ADCY5: variants seen among roughly 807,000 people sequenced by gnomAD.
The protein encoded by ADCY5 is adenylate cyclase 5, also known as adenylate cyclase type 5.
In ADCY5, 30 loss-of-function variants were observed where a neutral mutation model predicts 119.7. That is an observed-to-expected ratio of 0.25 (90% confidence interval 0.19 to 0.34). The LOEUF (loss-of-function observed/expected upper bound fraction) is 0.34. Ranked by LOEUF, ADCY5 falls within the 10% of genes least tolerant of loss-of-function variation. The pLI is 1.00. For missense variants in ADCY5, 1,324 were observed against 1,775.2 expected (o/e 0.75, Z 4.57); for synonymous variants, 753 against 762.2 (o/e 0.99, Z 0.20).
intron 1 of ADCY5, among the ~76,000 whole-genome samples, chr3:123,377,473 G>A (rs1943876274): frequency 6.6e-6 from 1 of 152,130 alleles, no homozygotes; most frequent in Non-Finnish European, 1.5e-5. Context: ...CTCTCAGAGT[G>A]GGTCCCCCCA....
At chr3:123,365,981 G>A (rs1943423891) in intron 1 of ADCY5, among the ~76,000 whole-genome samples, 1 of 152,198 alleles carries the variant, frequency 6.6e-6, no homozygotes, top group Non-Finnish European at 1.5e-5. Context: ...GCCACACATG[G>A]CTAGGAACAT....
chr3:123,335,780 A>C (rs965222148), intron 3 of ADCY5, among the ~76,000 whole-genome samples: 1 of 152,196 alleles, frequency 6.6e-6, no homozygotes, highest in African/African-American at 2.4e-5. Context: ...CCAAGGCTTC[A>C]GCCAGGCTGT....
At chr3:123,417,666 G>A (rs530191561) in intron 1 of ADCY5, among the ~76,000 whole-genome samples, 40 of 152,328 alleles carry the variant, frequency 2.6e-4, no homozygotes, top group Middle Eastern at 3.4e-3. Context: ...CAAGTCAGAA[G>A]ATGGCAGGTC....
chr3:123,438,668 T>C (rs756695755), intron 1 of ADCY5, among the ~76,000 whole-genome samples: 1 of 152,228 alleles, frequency 6.6e-6, no homozygotes, highest in Non-Finnish European at 1.5e-5. Context: ...TTTTACTTAA[T>C]AATGTCCTCA....
chr3:123,370,837 T>C (rs1247682048), intron 1 of ADCY5, among the ~76,000 whole-genome samples: 1 of 151,670 alleles, frequency 6.6e-6, no homozygotes, highest in Non-Finnish European at 1.5e-5. Flanking sequence ...CTCCCCCACT[T>C]CCTCCTCCTC....
intron 1 of ADCY5, among the ~76,000 whole-genome samples, chr3:123,382,564 T>A (rs1944066223): frequency 6.6e-6 from 1 of 152,192 alleles, no homozygotes; most frequent in Admixed American, 6.5e-5. Context: ...ATGCTATCTA[T>A]ACACAATGGA....
intron 1 of ADCY5, among the ~76,000 whole-genome samples, chr3:123,362,696 T>C (rs1351395708): frequency 6.6e-6 from 1 of 152,118 alleles, no homozygotes; most frequent in Non-Finnish European, 1.5e-5. Flanking sequence ...GGCACGGAAG[T>C]GGTTGGGAGG....
chr3:123,374,275 C>T (rs781444452), intron 1 of ADCY5, among the ~76,000 whole-genome samples: 1 of 152,080 alleles, frequency 6.6e-6, no homozygotes, highest in Non-Finnish European at 1.5e-5. Context: ...GATCAGAGAG[C>T]GACAGATGAT....
intron 3 of ADCY5, among the ~76,000 whole-genome samples, chr3:123,341,595 G>A (rs1327106884): frequency 1.3e-5 from 2 of 152,038 alleles, no homozygotes; most frequent in Non-Finnish European, 2.9e-5. Context: ...TGTACTTAAT[G>A]CCACTGAACT....
intron 1 of ADCY5, among the ~76,000 whole-genome samples, chr3:123,440,090 G>A (rs1455117597): frequency 6.6e-6 from 1 of 152,224 alleles, no homozygotes; most frequent in Non-Finnish European, 1.5e-5. Context: ...CTTAGAGTCT[G>A]CGTGCAGACG....
chr3:123,438,484 G>A (rs1229643913), intron 1 of ADCY5, among the ~76,000 whole-genome samples: 16 of 152,000 alleles, frequency 1.1e-4, no homozygotes, highest in East Asian at 1.9e-4. Flanking sequence ...CTTTTAAACC[G>A]TGCACCATTC....
chr3:123,317,956 C>G (rs972845300), intron 11 of ADCY5, 64 bp downstream of exon 11: 59 of 1,454,070 alleles, frequency 4.1e-5, no homozygotes, highest in African/African-American at 7.0e-5. Flanking sequence ...AATGACCACC[C>G]CCTCCCACTC....
intron 17 of ADCY5, among the ~76,000 whole-genome samples, chr3:123,294,940 A>C (rs1015777236): frequency 2.0e-5 from 3 of 152,208 alleles, no homozygotes; most frequent in Non-Finnish European, 2.9e-5. Context: ...GGATTGAGGA[A>C]GAAGGCAGAG....
chr3:123,327,857 C>A, intron 6 of ADCY5, 98 bp from the exon 7 acceptor site: 1 of 1,392,442 alleles, frequency 7.2e-7, no homozygotes, highest in Non-Finnish European at 9.9e-7. Context: ...GGGTTCACCA[C>A]AATTCAAACC....
chr3:123,371,726 C>T (rs1197663768), intron 1 of ADCY5, among the ~76,000 whole-genome samples: 3 of 152,266 alleles, frequency 2.0e-5, no homozygotes, highest in Admixed American at 2.0e-4. Flanking sequence ...GCAGCGAAGG[C>T]CAGGCCAGGT....
chr3:123,306,558 G>A (rs1333229759), intron 12 of ADCY5, among the ~76,000 whole-genome samples: 1 of 152,194 alleles, frequency 6.6e-6, no homozygotes, highest in Non-Finnish European at 1.5e-5. Context: ...AATTATTTTT[G>A]TCCATCAACT....
Position 123,344,030 on chromosome 3 carries a change from G to A in ADCY5, c.1406+3752C>T, listed in dbSNP as rs146782871. Among the ~76,000 whole-genome samples the A allele has an allele frequency of 2.0e-4, 31 of 152,262 alleles. No homozygotes were observed. In the East Asian group the frequency reaches 4.3e-3, roughly 21 times the overall value. On this transcript the variant is annotated intron_variant, in intron 3 of 20. Coordinates refer to ENST00000462833, the MANE Select transcript of ADCY5 (RefSeq NM_183357.3). Reference sequence around the variant, plus strand: ...CTTGGCCAGTCCCTGGCTGCGCCCCGGGGTGGTGTGTGCTGCACAACTATT... The same window carrying A: ...CTTGGCCAGTCCCTGGCTGCGCCCCAGGGTGGTGTGTGCTGCACAACTATT...
chr3:123,289,721 G>A (rs1939019176), intron 19 of ADCY5, 29 bp downstream of exon 19: 1 of 1,610,566 alleles, frequency 6.2e-7, no homozygotes, highest in East Asian at 2.2e-5. Flanking sequence ...CTGCACCCTG[G>A]GCTCAGCACT....
intron 1 of ADCY5, among the ~76,000 whole-genome samples, chr3:123,380,595 C>T (rs1944000407): frequency 6.6e-6 from 1 of 152,244 alleles, no homozygotes; most frequent in African/African-American, 2.4e-5. Flanking sequence ...CACTGACCTT[C>T]CTCAGATCCT....
Sources: allele counts gnomAD v4.1 joint callset (sites outside exome capture counted in the v4.1 genomes callset), GRCh38; gene constraint gnomAD v4.1.1; transcripts MANE v1.5; gene names NCBI Gene and HGNC (gene_info 2026-07-23, HGNC 2026-07-21).